Variants in GLG1 observed in about 807,000 individuals in gnomAD.
The protein encoded by GLG1 is Golgi apparatus protein 1.
A neutral mutation model predicts 160.5 loss-of-function variants in GLG1; 38 were observed. The observed-to-expected ratio is 0.24, with a 90% CI of 0.18 to 0.31. The LOEUF (loss-of-function observed/expected upper bound fraction) is 0.31, where lower values mean the gene tolerates loss of function less well. GLG1 is among the 10% of genes least tolerant of loss of function. The pLI is 1.00. For synonymous variants in GLG1, 644 were observed against 543.4 expected, an observed-to-expected ratio of 1.19 and a Z score of -2.57; for missense variants, 1,373 against 1,505.2, an observed-to-expected ratio of 0.91 and a Z score of 1.45.
intron 14 of GLG1, among the ~76,000 whole-genome samples, chr16:74,471,740 T>C (rs2015215705): frequency 6.6e-6 from 1 of 152,188 alleles, no homozygotes; most frequent in East Asian, 1.9e-4. Context: ...TAACAATTCC[T>C]AGGCTGATGT....
chr16:74,491,525 A>T (rs970046710), intron 7 of GLG1, among the ~76,000 whole-genome samples: 4 of 152,214 alleles, frequency 2.6e-5, no homozygotes, highest in African/African-American at 9.6e-5. Context: ...TGAAAGCCAA[A>T]GAACAATCTC....
chr16:74,474,431 T>C (rs1412768858), intron 13 of GLG1, 115 bp downstream of exon 13: 7 of 694,532 alleles, frequency 1.0e-5, no homozygotes, highest in Non-Finnish European at 1.8e-5. Context: ...ATCAGGTTTC[T>C]TTTGATTGAC....
intron 2 of GLG1, among the ~76,000 whole-genome samples, chr16:74,525,072 C>A (rs1050001231): frequency 3.3e-5 from 5 of 152,058 alleles, no homozygotes; most frequent in African/African-American, 1.2e-4. Flanking sequence ...TGGGCTGTTT[C>A]CATTTTTGAG....
At chr16:74,510,977 G>A (rs543947160) in intron 2 of GLG1, among the ~76,000 whole-genome samples, 1 of 152,230 alleles carries the variant, frequency 6.6e-6, no homozygotes, top group South Asian at 2.1e-4. Flanking sequence ...TCAAGGGTAG[G>A]GAGAAGACTT....
chr16:74,558,585 T>C (rs7359422), intron 1 of GLG1, among the ~76,000 whole-genome samples: 43,524 of 152,214 alleles, frequency 0.29, 7,184 homozygotes, highest in African/African-American at 0.44. Context: ...ACACACACAT[T>C]TGTAAATTTC....
chr16:74,592,390 C>T (rs1198068947), intron 1 of GLG1, among the ~76,000 whole-genome samples: 4 of 152,120 alleles, frequency 2.6e-5, no homozygotes, highest in African/African-American at 7.2e-5. Context: ...GTGATCCACC[C>T]GCCTTGGCCT....
chr16:74,566,457 A>C (rs2018656700), intron 1 of GLG1, among the ~76,000 whole-genome samples: 2 of 152,190 alleles, frequency 1.3e-5, no homozygotes, highest in East Asian at 1.9e-4. Flanking sequence ...GTTTATCTTT[A>C]ATTTTTCTCC....
chr16:74,553,309 G>T (rs979794008), intron 1 of GLG1, among the ~76,000 whole-genome samples: 1 of 151,822 alleles, frequency 6.6e-6, no homozygotes, highest in African/African-American at 2.4e-5. Context: ...TGATGCTTCT[G>T]CTTTAGCCTC....
chr16:74,486,627 G>C (rs2015793421), intron 8 of GLG1, among the ~76,000 whole-genome samples: 1 of 152,104 alleles, frequency 6.6e-6, no homozygotes, highest in Non-Finnish European at 1.5e-5. Flanking sequence ...CAGGAGAATA[G>C]GTACTTCACA....
intron 2 of GLG1, among the ~76,000 whole-genome samples, chr16:74,515,503 C>T (rs768598633): frequency 4.6e-5 from 7 of 152,030 alleles, no homozygotes; most frequent in Non-Finnish European, 8.8e-5. Context: ...CACTCAAAAC[C>T]GCACAACTAC....
At chr16:74,482,968 C>A (rs752758027) in intron 10 of GLG1, 55 bp downstream of exon 10, 4 of 914,500 alleles carry the variant, frequency 4.4e-6, no homozygotes, top group Non-Finnish European at 7.3e-6. Context: ...GTAATTATGA[C>A]TACACAGGAG....
Position 74,480,309 on chromosome 16 carries a change from T to C in GLG1, c.1759A>G (p.Met587Val), listed in dbSNP as rs1192512317. The C allele has an allele frequency of 1.2e-6, 2 of 1,613,198 alleles. No individual in the cohort carries two copies. The highest frequency in any genetic ancestry group is 1.7e-6 in the Non-Finnish European group (2 of 1,179,204). The change falls in exon 11 of 26, where the codon ATG (methionine) becomes GTG (valine). Residue 587 changes from methionine (M) to valine (V), a missense_variant. Physicochemically the swap from Met to Val is conservative, Grantham distance 21 (BLOSUM62 1). Coordinates refer to ENST00000422840, the MANE Select transcript of GLG1 (RefSeq NM_001145667.2). ...CAAGAGAACACAGCTCCCTGAGGCA[T>C]AAATTCACTGGTCTCATTCCAACCG... ...THGWNETSEF[M>V]PQGAVFSCLY...
chr16:74,458,301 C>A, intron 23 of GLG1: 1 of 225,098 alleles, frequency 4.4e-6, no homozygotes, highest in East Asian at 9.4e-5. Flanking sequence ...AATACCTAAA[C>A]GTTAATATTT....
In GLG1 at chr16:74,493,000, C is replaced by T; in HGVS notation, c.1191G>A (p.Arg397=). 6.2e-7 allele frequency: 1 copy of T among 1,613,650 alleles called. No individual in the cohort carries two copies. The highest frequency in any genetic ancestry group is 8.5e-7 in the Non-Finnish European group (1 of 1,179,770). The change falls in exon 7 of 26, where the codon AGG becomes AGA. Residue 397 remains arginine, a synonymous_variant. Coordinates refer to ENST00000422840, the MANE Select transcript of GLG1 (RefSeq NM_001145667.2). ...VENLPRSREA[R]LSYLLMCLES... ...CCAGGCACATTAACAAGTAGGAGAG[C>T]CTGGCTTCACGCGATCGCGGAAGGT... is the stretch of plus-strand genomic sequence containing the variant.
chr16:74,500,285 G>T (rs2016358284), intron 4 of GLG1, among the ~76,000 whole-genome samples: 1 of 151,916 alleles, frequency 6.6e-6, no homozygotes, highest in South Asian at 2.1e-4. Context: ...TAATACACAG[G>T]CTTGGCATAT....
intron 1 of GLG1, among the ~76,000 whole-genome samples, chr16:74,576,304 G>C (rs1250380972): frequency 6.6e-6 from 1 of 152,058 alleles, no homozygotes; most frequent in Admixed American, 6.6e-5. Context: ...CAAATTCCGT[G>C]AATTTCTATA....
intron 2 of GLG1, among the ~76,000 whole-genome samples, chr16:74,513,425 G>A (rs1436770259): frequency 6.6e-6 from 1 of 152,078 alleles, no homozygotes; most frequent in Non-Finnish European, 1.5e-5. Context: ...GTGCCCCTCT[G>A]GGACGAAGCT....
intron 25 of GLG1, among the ~76,000 whole-genome samples, chr16:74,454,429 G>A (rs1396586130): frequency 6.6e-6 from 1 of 151,102 alleles, no homozygotes; most frequent in Non-Finnish European, 1.5e-5. Context: ...AGCACTTTGG[G>A]AGGCTGAGAT....
At chr16:74,453,657 T>G (rs2014414026) in intron 25 of GLG1, among the ~76,000 whole-genome samples, 1 of 152,142 alleles carries the variant, frequency 6.6e-6, no homozygotes, top group Non-Finnish European at 1.5e-5. Flanking sequence ...CTGCCCTCAC[T>G]CATTTAGCAC....
Sources: gnomAD v4.1 joint callset for allele counts (sites outside exome capture counted in the v4.1 genomes callset) on GRCh38, gnomAD v4.1.1 for gene constraint, MANE v1.5 for transcripts, NCBI Gene and HGNC (gene_info 2026-07-23, HGNC 2026-07-21) for gene names.